EPB41: variants seen among roughly 807,000 people sequenced by gnomAD.
EPB41 encodes the protein protein 4.1.
EPB41 carries 65 observed loss-of-function variants against 108.0 expected under a neutral mutation model. The observed-to-expected ratio is 0.60, with a 90% CI of 0.49 to 0.74. EPB41 has a LOEUF of 0.74. Among genes scored for constraint, EPB41 ranks in the 30% least tolerant of loss-of-function variants. The pLI, the probability that EPB41 is intolerant of heterozygous loss-of-function variation, is 0.00. For synonymous variants in EPB41, 336 were observed against 358.9 expected, an observed-to-expected ratio of 0.94 and a Z score of 0.72; for missense variants, 875 against 1,037.0, an observed-to-expected ratio of 0.84 and a Z score of 2.15.
chr1:29,045,537 T>G (rs1642906274), intron 11 of EPB41, among the ~76,000 whole-genome samples: 1 of 149,198 alleles, frequency 6.7e-6, no homozygotes, highest in Non-Finnish European at 1.5e-5. Context: ...TTTTTTTTTT[T>G]AGAGACAGGG....
intron 7 of EPB41, among the ~76,000 whole-genome samples, chr1:29,029,377 GGTT>G (rs202149873): frequency 0.023 from 3,487 of 152,262 alleles, 45 homozygotes; most frequent in Non-Finnish European, 0.037. Context: ...ATATTTTGGT[GGTT>G]GTTGTTCCAA....
Position 29,117,949 on chromosome 1 carries a change from G to GT in EPB41, c.*1138dup, listed in dbSNP as rs1671262679. ...CCCACAAGACACCACATGACAAGGGGTATAAGCCCCAGCCCTGCTCATTCC... is the reference window on the plus strand; with the variant it reads ...CCCACAAGACACCACATGACAAGGGGTTATAAGCCCCAGCCCTGCTCATTCC... On this transcript the variant is annotated 3_prime_UTR_variant, in exon 21 of 21. Coordinates refer to ENST00000343067, the MANE Select transcript of EPB41 (RefSeq NM_001376013.1). 6.6e-6 allele frequency: 1 copy of GT among 152,532 alleles called. No individual in the cohort carries two copies. The highest frequency in any genetic ancestry group is 2.4e-5 in the African/African-American group (1 of 41,446). 9.4% of individuals were successfully genotyped at this position (152,532 alleles called of 1,614,324 possible).
chr1:29,111,525 C>T (rs1251962244), intron 18 of EPB41, among the ~76,000 whole-genome samples: 3 of 151,830 alleles, frequency 2.0e-5, no homozygotes, highest in South Asian at 2.1e-4. Context: ...TGGTGGCAGG[C>T]GCCTGTAGTC....
chr1:29,037,460 A>G (rs944029392), intron 10 of EPB41, among the ~76,000 whole-genome samples: 4 of 152,190 alleles, frequency 2.6e-5, no homozygotes, highest in Non-Finnish European at 5.9e-5. Context: ...CATGTTAGGC[A>G]TTGGGAATAT....
intron 1 of EPB41, among the ~76,000 whole-genome samples, chr1:28,951,489 A>T (rs986927732): frequency 6.6e-6 from 1 of 152,266 alleles, no homozygotes; most frequent in East Asian, 1.9e-4. Flanking sequence ...AAGTGAGAGG[A>T]TATCTACTAA....
intron 16 of EPB41, chr1:29,070,666 C>A: frequency 8.1e-7 from 1 of 1,231,682 alleles, no homozygotes; most frequent in Non-Finnish European, 1.0e-6. Flanking sequence ...AACTTCTGTC[C>A]TTGGCTTCAA....
At chr1:28,935,020 G>A (rs564123584) in intron 1 of EPB41, among the ~76,000 whole-genome samples, 3 of 152,048 alleles carry the variant, frequency 2.0e-5, no homozygotes, top group Admixed American at 1.3e-4. Context: ...GAGGCTGAGG[G>A]AGGATCGCTG....
At chr1:29,110,066 G>A (rs1668641034) in intron 18 of EPB41, among the ~76,000 whole-genome samples, 1 of 148,930 alleles carries the variant, frequency 6.7e-6, no homozygotes, top group Non-Finnish European at 1.5e-5. Context: ...CAGGCGTGGT[G>A]TAATCACACC....
chr1:29,109,206 A>C, intron 17 of EPB41, 130 bp from the exon 18 acceptor site: 1 of 745,344 alleles, frequency 1.3e-6, no homozygotes, highest in Non-Finnish European at 2.3e-6. Context: ...CTCAAAAAAA[A>C]AAAAAGAGGT....
At chr1:29,049,380 C>A (rs1644088223) in intron 11 of EPB41, among the ~76,000 whole-genome samples, 3 of 152,168 alleles carry the variant, frequency 2.0e-5, no homozygotes, top group South Asian at 4.1e-4. Flanking sequence ...CCAGGTAGTT[C>A]ATCCATTCAG....
chr1:29,069,850 T>G (rs1650456736), intron 16 of EPB41: 1 of 152,242 alleles, frequency 6.6e-6, no homozygotes, highest in Admixed American at 6.6e-5. Context: ...ATTTTTGTAT[T>G]TTTAGTAGAG....
chr1:28,971,974 C>G (rs756862135), intron 1 of EPB41, among the ~76,000 whole-genome samples: 1 of 152,110 alleles, frequency 6.6e-6, no homozygotes, highest in Non-Finnish European at 1.5e-5. Context: ...CAGCTCACTA[C>G]AGTCTCGACC....
intron 15 of EPB41, 76 bp from the exon 16 acceptor site, chr1:29,064,904 GTC>G (rs1647083841): frequency 6.3e-7 from 1 of 1,589,806 alleles, no homozygotes; most frequent in Non-Finnish European, 8.6e-7. Flanking sequence ...CCAGTGCCCA[GTC>G]TCTGACGGGT....
At chr1:28,905,646 G>A (rs1216776097) in intron 1 of EPB41, among the ~76,000 whole-genome samples, 2 of 152,078 alleles carry the variant, frequency 1.3e-5, no homozygotes, top group Non-Finnish European at 2.9e-5. Context: ...AGAACTGTGA[G>A]AAAATAAATT....
At chr1:29,009,966 G>A (rs963636427) in intron 4 of EPB41, among the ~76,000 whole-genome samples, 1 of 152,100 alleles carries the variant, frequency 6.6e-6, no homozygotes, top group Non-Finnish European at 1.5e-5. Flanking sequence ...TCCTTCAATA[G>A]GGCAAATGGG....
chr1:28,912,193 G>A (rs2092294198), upstream of EPB41, among the ~76,000 whole-genome samples: 1 of 152,196 alleles, frequency 6.6e-6, no homozygotes, highest in Non-Finnish European at 1.5e-5. Flanking sequence ...ACTGTTCTGG[G>A]AGATGAATAC....
intron 17 of EPB41, among the ~76,000 whole-genome samples, chr1:29,105,447 A>T (rs1055334530): frequency 9.9e-5 from 15 of 152,082 alleles, no homozygotes; most frequent in African/African-American, 3.6e-4. Context: ...CATGTTGGCC[A>T]GGCTGGTCTT....
At chr1:28,951,948 T>C (rs999316630) in intron 1 of EPB41, among the ~76,000 whole-genome samples, 1 of 152,196 alleles carries the variant, frequency 6.6e-6, no homozygotes, top group African/African-American at 2.4e-5. Context: ...GCTTGAAAAT[T>C]AGTGTTACTG....
At chr1:28,976,201 A>G (rs1394874672) in intron 1 of EPB41, among the ~76,000 whole-genome samples, 1 of 152,162 alleles carries the variant, frequency 6.6e-6, no homozygotes, top group Non-Finnish European at 1.5e-5. Flanking sequence ...GCATGACTCC[A>G]TGATCTGAAG....
Sources: allele counts gnomAD v4.1 joint callset (sites outside exome capture counted in the v4.1 genomes callset), GRCh38; gene constraint gnomAD v4.1.1; transcripts MANE v1.5; gene names NCBI Gene and HGNC (gene_info 2026-07-23, HGNC 2026-07-21).